TRPM4: variants seen among roughly 807,000 people sequenced by gnomAD.
TRPM4 encodes the protein calcium-activated non-selective cation channel 1.
Under a neutral mutation model 135.6 loss-of-function variants are expected in TRPM4, and 124 were observed. The ratio of observed to expected loss-of-function variants is 0.91; its 90% CI spans 0.79 to 1.06. TRPM4 has a LOEUF of 1.06. TRPM4 is among the 50% of genes least tolerant of loss of function. TRPM4 has a pLI of 0.00. For synonymous variants in TRPM4, 745 were observed against 705.6 expected (o/e 1.06, Z -0.88); for missense variants, 1,658 against 1,671.4 (o/e 0.99, Z 0.14).
intron 6 of TRPM4, among the ~76,000 whole-genome samples, chr19:49,169,636 C>T (rs902371784): frequency 1.3e-5 from 2 of 151,266 alleles, no homozygotes; most frequent in African/African-American, 2.4e-5. Flanking sequence ...AGGCTGTTTT[C>T]GAACTTCTGA....
intron 2 of TRPM4, among the ~76,000 whole-genome samples, chr19:49,164,331 T>C (rs12984522): frequency 0.27 from 28,163 of 104,354 alleles, 4,783 homozygotes; most frequent in South Asian, 0.35. Context: ...TCCCTCTCTG[T>C]CTCTCTCCCT....
chr19:49,200,561 G>A (rs1968883043), intron 18 of TRPM4, 50 bp from the exon 19 acceptor site: 2 of 1,605,476 alleles, frequency 1.2e-6, no homozygotes, highest in East Asian at 2.2e-5. Flanking sequence ...TATAGGGGTG[G>A]GGCCAGAGTA....
At chr19:49,199,717 GTTTCT>G (rs1299907004) in intron 17 of TRPM4, among the ~76,000 whole-genome samples, 7 of 150,378 alleles carry the variant, frequency 4.7e-5, no homozygotes, top group East Asian at 3.9e-4. Context: ...ACTTTTGTAT[GTTTCT>G]TTTCTTTTCT....
chr19:49,190,208 T>G lies in TRPM4; in HGVS notation c.2020T>G (p.Ser674Ala). 1 of 1,613,140 alleles carries G rather than the reference T, an allele frequency of 6.2e-7. No individual in the cohort carries two copies. Among genetic ancestry groups the G allele is most frequent in the Non-Finnish European group, 8.5e-7 (1 of 1,179,110 alleles). Residue 674 changes from serine (S) to alanine (A), a missense_variant and splice_region_variant, in exon 15 of 25, where the codon TCT (serine) becomes GCT (alanine). This residue lies in a region of TRPM4 where 1,412 missense variants were observed against 1,408.7 expected (regional missense o/e 1.00). Transcript: ENST00000252826. ...RAFFAQDGVQSLLTQKWWGDM... is the reference protein window; with the variant it reads ...RAFFAQDGVQALLTQKWWGDM... Reference sequence around the variant, plus strand: ...TCCTAATCCTTCCCACCCCCCACAGTCTCTGCTGACACAGAAGTGGTGGGG... The same window carrying G: ...TCCTAATCCTTCCCACCCCCCACAGGCTCTGCTGACACAGAAGTGGTGGGG...
rs1038676941 is a variant in TRPM4 at position 49,198,858 on chromosome 19, C to A, written c.2646-1442C>A. Among the ~76,000 whole-genome samples the A allele has an allele frequency of 2.6e-4, 39 of 152,036 alleles. 1 individual carries two copies. Among genetic ancestry groups the A allele is most frequent in the Non-Finnish European group, 5.6e-4 (38 of 68,002 alleles). ...AAGCAATCCTCCCACCTTGGCCTCT[C>A]AAAGTGCTGGGATTACAGGCGTGAG... is the stretch of plus-strand genomic sequence containing the variant. On this transcript the variant is annotated intron_variant, in intron 17 of 24. Transcript: ENST00000252826.
chr19:49,164,351 CTTTCT>C (rs573754036), intron 2 of TRPM4, among the ~76,000 whole-genome samples: 400 of 96,338 alleles, frequency 4.2e-3, no homozygotes, highest in Non-Finnish European at 7.2e-3. Flanking sequence ...TCCCTCCTTC[CTTTCT>C]TTCCTTAGTT....
Position 49,210,962 on chromosome 19 carries a change from C to T in TRPM4, c.3462-53C>T, listed in dbSNP as rs1260336910. 1 of 1,196,406 alleles carries T rather than the reference C, an allele frequency of 8.4e-7. No individual in the cohort carries two copies. Among genetic ancestry groups the T allele is most frequent in the Admixed American group, 2.0e-5 (1 of 50,656 alleles). The allele number at this position is 1,196,406 out of a possible 1,614,324, so 74.1% of individuals were successfully genotyped here. On this transcript the variant is annotated intron_variant, in intron 22 of 24. Coordinates refer to ENST00000252826, the MANE Select transcript of TRPM4 (RefSeq NM_017636.4). The surrounding 1 kb of genome is among the most constrained non-coding windows in gnomAD (Gnocchi z 4.1). ...AGGAGGCCCGGGAAGCAGGCAGAGC[C>T]CTGGGGGTGGGTGGGCTGCGGGTGC... is the stretch of plus-strand genomic sequence containing the variant.
At chr19:49,194,720 TTCTC>T (rs1273216448) in intron 16 of TRPM4, among the ~76,000 whole-genome samples, 1 of 142,514 alleles carries the variant, frequency 7.0e-6, no homozygotes, top group Non-Finnish European at 1.5e-5. Flanking sequence ...TTTTCTTTCT[TTCTC>T]TATCTCCTTC....
intron 9 of TRPM4, among the ~76,000 whole-genome samples, chr19:49,172,632 A>G (rs1273029233): frequency 1.3e-5 from 2 of 148,724 alleles, no homozygotes; most frequent in Non-Finnish European, 3.0e-5. Context: ...TCTTCCATCC[A>G]TCCATCTTCT....
chr19:49,173,734 T>A (rs572959091), intron 9 of TRPM4, among the ~76,000 whole-genome samples: 1 of 152,046 alleles, frequency 6.6e-6, no homozygotes, highest in Non-Finnish European at 1.5e-5. Context: ...CACGGCTCAG[T>A]GCAGCCTCAA....
At chr19:49,208,722 G>A (rs112945030) in intron 20 of TRPM4, among the ~76,000 whole-genome samples, 2,658 of 152,070 alleles carry the variant, frequency 0.017, 87 homozygotes, top group African/African-American at 0.061. Flanking sequence ...CACTGGAACA[G>A]CTTGTGCCCT....
chr19:49,197,280 TTTTC>T (rs981070130), intron 17 of TRPM4, among the ~76,000 whole-genome samples: 110 of 142,710 alleles, frequency 7.7e-4, no homozygotes, highest in Admixed American at 2.4e-3. Context: ...TTTCCTTTTT[TTTTC>T]TTTCTTTCTT....
chr19:49,158,099 G>A (rs570115287), intron 1 of TRPM4, 93 bp from the exon 2 acceptor site: 5 of 1,384,700 alleles, frequency 3.6e-6, no homozygotes, highest in East Asian at 2.3e-5. Flanking sequence ...GTGTCCGTGG[G>A]GAGCGCACGG....
intron 17 of TRPM4, 76 bp downstream of exon 17, chr19:49,196,950 T>A: frequency 7.2e-7 from 1 of 1,385,576 alleles, no homozygotes; most frequent in African/African-American, 1.4e-5. Context: ...GGGTCTCCAC[T>A]CCCGGCTTCC....
chr19:49,196,204 G>A (rs764307999), intron 16 of TRPM4, among the ~76,000 whole-genome samples: 5 of 152,178 alleles, frequency 3.3e-5, no homozygotes, highest in Admixed American at 6.5e-5. Flanking sequence ...GTTTTGCCAT[G>A]TTGGCCAGGC....
intron 1 of TRPM4, 86 bp downstream of exon 1, chr19:49,157,976 A>G (rs1014827164): frequency 3.1e-5 from 45 of 1,449,328 alleles, no homozygotes; most frequent in Non-Finnish European, 4.0e-5. Context: ...GGACACCCAG[A>G]TTCCTGGGTC....
At chr19:49,160,780 G>A (rs536839177) in intron 2 of TRPM4, among the ~76,000 whole-genome samples, 2 of 152,068 alleles carry the variant, frequency 1.3e-5, no homozygotes, top group African/African-American at 2.4e-5. Flanking sequence ...ACAGGAGCTC[G>A]GGAGGAGGCT....
At chr19:49,193,728 CAGG>C (rs1568481735) in intron 16 of TRPM4, among the ~76,000 whole-genome samples, 1 of 152,072 alleles carries the variant, frequency 6.6e-6, no homozygotes, top group Non-Finnish European at 1.5e-5. Context: ...CAGGATTCTG[CAGG>C]AGAACTGTGA....
chr19:49,158,441 C>A, intron 2 of TRPM4, 182 bp downstream of exon 2: 1 of 641,638 alleles, frequency 1.6e-6, no homozygotes, highest in East Asian at 2.6e-5. Context: ...CCCTCATTCC[C>A]CATTCGCCAT....
Sources: gnomAD v4.1 joint callset for allele counts (sites outside exome capture counted in the v4.1 genomes callset) on GRCh38, gnomAD v4.1.1 for gene constraint, gnomAD v4.1.1 regional missense constraint, Gnocchi (gnomAD v3.1) non-coding constraint, MANE v1.5 for transcripts, NCBI Gene and HGNC (gene_info 2026-07-23, HGNC 2026-07-21) for gene names.